Variants in PKNOX2 observed in about 807,000 individuals in gnomAD.
PKNOX2 encodes homeobox protein PKNOX2.
PKNOX2 carries 14 observed loss-of-function variants against 53.1 expected under a neutral mutation model. That is an observed-to-expected ratio of 0.26 (90% CI 0.17 to 0.41). The LOEUF (loss-of-function observed/expected upper bound fraction) is 0.41, where lower values mean the gene tolerates loss of function less well. Ranked by LOEUF, PKNOX2 falls within the 10% of genes least tolerant of loss-of-function variation. The probability of loss-of-function intolerance (pLI) is 1.00; values close to 1 mark genes in which losing one functional copy is unlikely to be tolerated. For synonymous variants in PKNOX2, 257 were observed against 242.8 expected (o/e 1.06, Z -0.54); for missense variants, 496 against 602.8 (o/e 0.82, Z 1.85).
chr11:125,367,855 A>G lies in PKNOX2; in HGVS notation c.97A>G (p.Thr33Ala). 2 of 1,611,720 alleles carry G rather than the reference A, an allele frequency of 1.2e-6. No homozygotes were observed. Residue 33 changes from threonine to alanine, a missense_variant, in exon 5 of 13, where the codon ACC becomes GCC. Coordinates refer to ENST00000298282, the MANE Select transcript of PKNOX2 (RefSeq NM_001382323.2). The part of the protein sequence containing the change: ...PYQDSPQMTA[T>A]AQPPSKAQAV... ...TTTCTTCTCTCTGCAGATGACGGCA[A>G]CCGCCCAGCCACCCTCCAAGGCCCA...
chr11:125,331,972 G>A (rs1362222868), intron 3 of PKNOX2, 47 bp downstream of exon 3: 1 of 152,174 alleles, frequency 6.6e-6, no homozygotes, highest in African/African-American at 2.4e-5. Flanking sequence ...CACCCCCCAA[G>A]CAGGATATCT....
At chr11:125,373,928 G>A (rs987080360) in intron 5 of PKNOX2, among the ~76,000 whole-genome samples, 1 of 152,140 alleles carries the variant, frequency 6.6e-6, no homozygotes, top group Non-Finnish European at 1.5e-5. Flanking sequence ...GGTGAGCCCC[G>A]AGAGAATGAC....
intron 2 of PKNOX2, among the ~76,000 whole-genome samples, chr11:125,326,785 T>G (rs1949840583): frequency 6.6e-6 from 1 of 152,174 alleles, no homozygotes; most frequent in South Asian, 2.1e-4. Context: ...AAACCAATAA[T>G]GATGAGGAGG....
At chr11:125,315,890 CT>C (rs949859783) in intron 2 of PKNOX2, among the ~76,000 whole-genome samples, 1 of 152,202 alleles carries the variant, frequency 6.6e-6, no homozygotes, top group African/African-American at 2.4e-5. Context: ...TTTACACCCC[CT>C]GTGTAAGAGC....
chr11:125,416,005 T>G (rs1955851496), intron 10 of PKNOX2, among the ~76,000 whole-genome samples: 1 of 152,132 alleles, frequency 6.6e-6, no homozygotes, highest in South Asian at 2.1e-4. Flanking sequence ...TCCACCTCAA[T>G]AGAAAGTGGA....
At chr11:125,195,682 C>A (rs1039063555) in intron 1 of PKNOX2, among the ~76,000 whole-genome samples, 1 of 152,038 alleles carries the variant, frequency 6.6e-6, no homozygotes, top group Non-Finnish European at 1.5e-5. Flanking sequence ...TCTTGTGGGG[C>A]AAGGGTCTCC....
chr11:125,364,885 G>T (rs968203501), intron 4 of PKNOX2, among the ~76,000 whole-genome samples: 1 of 152,062 alleles, frequency 6.6e-6, no homozygotes, highest in Admixed American at 6.6e-5. Context: ...CAGCCACCCA[G>T]CTGAAGCTCC....
intron 5 of PKNOX2, among the ~76,000 whole-genome samples, chr11:125,383,007 C>G (rs1156912564): frequency 1.3e-5 from 2 of 152,276 alleles, no homozygotes; most frequent in East Asian, 3.9e-4. Context: ...CTTCCAAAAC[C>G]AGGGTCGGGG....
intron 1 of PKNOX2, among the ~76,000 whole-genome samples, chr11:125,228,946 G>T (rs1941958763): frequency 6.6e-6 from 1 of 152,148 alleles, no homozygotes; most frequent in Non-Finnish European, 1.5e-5. Context: ...TGGGGGTGGG[G>T]AAAGTGTCCA....
At chr11:125,170,988 G>A (rs924686216) in intron 1 of PKNOX2, among the ~76,000 whole-genome samples, 1 of 148,848 alleles carries the variant, frequency 6.7e-6, no homozygotes, top group Non-Finnish European at 1.5e-5. Flanking sequence ...CTGGGGTGGA[G>A]GAGGAGCCAG....
At chr11:125,429,584 G>A (rs1257451909) in intron 11 of PKNOX2, among the ~76,000 whole-genome samples, 1 of 152,212 alleles carries the variant, frequency 6.6e-6, no homozygotes, top group Non-Finnish European at 1.5e-5. Context: ...GGGGAGCTCA[G>A]AGAGCAAGGT....
intron 5 of PKNOX2, among the ~76,000 whole-genome samples, chr11:125,373,788 T>C (rs1346916817): frequency 6.6e-6 from 1 of 152,162 alleles, no homozygotes; most frequent in Non-Finnish European, 1.5e-5. Context: ...GAGGGAAAGA[T>C]AGGCGTAGAA....
At chr11:125,406,450 A>G (rs1955105059) in intron 7 of PKNOX2, among the ~76,000 whole-genome samples, 1 of 152,224 alleles carries the variant, frequency 6.6e-6, no homozygotes, top group South Asian at 2.1e-4. Flanking sequence ...ATTGCTACGT[A>G]AAGAACTCAA....
intron 1 of PKNOX2, among the ~76,000 whole-genome samples, chr11:125,174,851 TC>T (rs1955589102): frequency 1.3e-5 from 2 of 152,000 alleles, no homozygotes; most frequent in Non-Finnish European, 2.9e-5. Flanking sequence ...TCCCGGCCCC[TC>T]TCCCACTCTG....
chr11:125,364,679 C>T (rs369508806), intron 4 of PKNOX2, among the ~76,000 whole-genome samples: 2 of 152,316 alleles, frequency 1.3e-5, no homozygotes, highest in East Asian at 1.9e-4. Flanking sequence ...AAGTACATTC[C>T]GGAAATCTCG....
At chr11:125,394,576 G>A (rs1954271220) in intron 6 of PKNOX2, among the ~76,000 whole-genome samples, 1 of 152,184 alleles carries the variant, frequency 6.6e-6, no homozygotes, top group African/African-American at 2.4e-5. Flanking sequence ...AGAGAAGGGT[G>A]TAATGCTGGC....
chr11:125,300,793 T>C (rs539543423), intron 2 of PKNOX2, among the ~76,000 whole-genome samples: 2 of 152,308 alleles, frequency 1.3e-5, no homozygotes, highest in African/African-American at 2.4e-5. Context: ...TTTTCCTCTA[T>C]AGGGAAACCT....
At position 125,433,129 on chromosome 11, in the gene PKNOX2, AT is replaced by A. The variant is rs1956773435; in HGVS notation, c.*1738del. ...GCTTTTTTGGCGTGAGACTTTTGCA[AT>A]GTGCAGTGGGATAAAATGCATTTCC... On this transcript the variant is annotated 3_prime_UTR_variant, in exon 13 of 13. Coordinates refer to ENST00000298282, the MANE Select transcript of PKNOX2 (RefSeq NM_001382323.2). 1.3e-5 allele frequency: 2 copies of A among 152,760 alleles called. No individual in the cohort carries two copies. The highest frequency in any genetic ancestry group is 3.9e-4 in the East Asian group (2 of 5,190). The allele number at this position is 152,760 out of a possible 1,614,324, so 9.5% of individuals were successfully genotyped here.
In PKNOX2 at chr11:125,385,540, T is replaced by C; in HGVS notation, c.228-11T>C. 1.2e-6 allele frequency: 2 copies of C among 1,602,216 alleles called. No homozygotes were observed. Among genetic ancestry groups the C allele is most frequent in the Non-Finnish European group, 1.7e-6 (2 of 1,175,558 alleles). On this transcript the variant is annotated splice_polypyrimidine_tract_variant and intron_variant, in intron 5 of 12. Coordinates refer to ENST00000298282, the MANE Select transcript of PKNOX2 (RefSeq NM_001382323.2). The stretch of plus-strand genomic sequence containing the variant: ...TGTGTGCGCATGTGTGAGCTCTTGA[T>C]GTCCCTGCAGGCACCCTCTTTTCCC...
Sources: allele counts gnomAD v4.1 joint callset (sites outside exome capture counted in the v4.1 genomes callset), GRCh38; gene constraint gnomAD v4.1.1; transcripts MANE v1.5; gene names NCBI Gene and HGNC (gene_info 2026-07-23, HGNC 2026-07-21).